The following C1orf21 variants were observed in gnomAD, a reference collection of about 807,000 sequenced individuals.
C1orf21 encodes chromosome 1 open reading frame 21, also known as uncharacterized protein C1orf21.
In C1orf21, 3 loss-of-function variants were observed where a neutral mutation model predicts 18.7. That is an observed-to-expected ratio of 0.16 (90% CI 0.07 to 0.42). The LOEUF (loss-of-function observed/expected upper bound fraction) is 0.42, where lower values mean the gene tolerates loss of function less well. C1orf21 is among the 10% of genes least tolerant of loss of function. The probability of loss-of-function intolerance (pLI) is 0.99; values close to 1 mark genes in which losing one functional copy is unlikely to be tolerated. For missense variants in C1orf21, 104 were observed against 143.6 expected (o/e 0.72, Z 1.41); for synonymous variants, 41 against 46.4 (o/e 0.88, Z 0.47).
chr1:184,588,811 G>GT (rs1006455233), intron 3 of C1orf21, among the ~76,000 whole-genome samples: 6 of 152,064 alleles, frequency 3.9e-5, no homozygotes, highest in African/African-American at 1.2e-4. Flanking sequence ...GTAGAAGAAA[G>GT]TTTTTTTGGA....
intron 1 of C1orf21, among the ~76,000 whole-genome samples, chr1:184,441,267 A>G (rs2101975120): frequency 6.6e-6 from 1 of 152,238 alleles, no homozygotes; most frequent in East Asian, 1.9e-4. Context: ...CTCTTTCTCC[A>G]TTAACTAATT....
intron 3 of C1orf21, among the ~76,000 whole-genome samples, chr1:184,548,651 T>G (rs1378493880): frequency 1.3e-5 from 2 of 152,008 alleles, no homozygotes; most frequent in African/African-American, 4.8e-5. Context: ...GAAAAAAAAA[T>G]TACATCTTTA....
chr1:184,494,886 T>TGCTA (rs1474806295), intron 2 of C1orf21, among the ~76,000 whole-genome samples: 1 of 151,782 alleles, frequency 6.6e-6, no homozygotes, highest in African/African-American at 2.4e-5. Flanking sequence ...ATTTGTTTGA[T>TGCTA]GCTAGCTGGG....
At chr1:184,435,064 G>A (rs1302265479) in intron 1 of C1orf21, among the ~76,000 whole-genome samples, 1 of 152,140 alleles carries the variant, frequency 6.6e-6, no homozygotes, top group Non-Finnish European at 1.5e-5. Flanking sequence ...GGTGGGAGCT[G>A]GTTGGATTAA....
At chr1:184,454,526 A>C (rs539406258) in intron 1 of C1orf21, among the ~76,000 whole-genome samples, 1 of 152,158 alleles carries the variant, frequency 6.6e-6, no homozygotes, top group Non-Finnish European at 1.5e-5. Flanking sequence ...GTGGTCCCTG[A>C]TGTTGGAGGT....
intron 3 of C1orf21, among the ~76,000 whole-genome samples, chr1:184,574,974 A>G (rs1659166963): frequency 6.6e-6 from 1 of 152,216 alleles, no homozygotes; most frequent in African/African-American, 2.4e-5. Flanking sequence ...GAAAGAAAGT[A>G]TGGGAGTTTT....
chr1:184,613,257 G>C (rs764405473), intron 5 of C1orf21, among the ~76,000 whole-genome samples: 1 of 152,188 alleles, frequency 6.6e-6, no homozygotes. Context: ...AGTTAGGTAC[G>C]TATGTGTAGG....
chr1:184,589,109 C>A (rs1659400664), intron 3 of C1orf21, among the ~76,000 whole-genome samples: 1 of 152,198 alleles, frequency 6.6e-6, no homozygotes, highest in Admixed American at 6.5e-5. Context: ...AATTAGAAGT[C>A]ACTTTCCTGC....
chr1:184,498,594 A>G (rs1446455306), intron 2 of C1orf21, among the ~76,000 whole-genome samples: 1 of 152,110 alleles, frequency 6.6e-6, no homozygotes, highest in Non-Finnish European at 1.5e-5. Flanking sequence ...AAAACAACTC[A>G]TGTTTTAGGT....
chr1:184,392,402 C>T (rs1370020393), intron 1 of C1orf21, among the ~76,000 whole-genome samples: 3 of 152,024 alleles, frequency 2.0e-5, no homozygotes, highest in African/African-American at 4.8e-5. Context: ...TACACATGGA[C>T]GTTTAGAGTG....
chr1:184,428,750 C>G (rs898595727), intron 1 of C1orf21, among the ~76,000 whole-genome samples: 2 of 152,146 alleles, frequency 1.3e-5, no homozygotes, highest in African/African-American at 2.4e-5. Context: ...CTGTGGCACA[C>G]TGGCCTGTGC....
intron 4 of C1orf21, among the ~76,000 whole-genome samples, chr1:184,595,636 T>G (rs1659501513): frequency 6.6e-6 from 1 of 152,086 alleles, no homozygotes; most frequent in Admixed American, 6.5e-5. Flanking sequence ...AACAGCAGAG[T>G]AGGCCTCATG....
At chr1:184,409,089 T>C (rs552356522) in intron 1 of C1orf21, among the ~76,000 whole-genome samples, 2 of 152,312 alleles carry the variant, frequency 1.3e-5, no homozygotes, top group South Asian at 4.1e-4. Context: ...TCAGCACTTT[T>C]TTGTTCTTTC....
intron 1 of C1orf21, among the ~76,000 whole-genome samples, chr1:184,415,620 G>A (rs1656437730): frequency 6.6e-6 from 1 of 152,058 alleles, no homozygotes; most frequent in Admixed American, 6.5e-5. Context: ...AAATGAAACA[G>A]AAGAGAAAGG....
intron 3 of C1orf21, among the ~76,000 whole-genome samples, chr1:184,580,737 T>G (rs1206116753): frequency 1.3e-5 from 2 of 152,256 alleles, no homozygotes; most frequent in African/African-American, 2.4e-5. Flanking sequence ...TTTAGTAAAA[T>G]TCATATTGCT....
At chr1:184,399,432 G>C (rs1218475274) in intron 1 of C1orf21, among the ~76,000 whole-genome samples, 1 of 147,644 alleles carries the variant, frequency 6.8e-6, no homozygotes, top group Non-Finnish European at 1.5e-5. Flanking sequence ...CTGTGATCTC[G>C]GCTCACTGCA....
At chr1:184,442,070 C>T (rs1656957623) in intron 1 of C1orf21, among the ~76,000 whole-genome samples, 1 of 152,138 alleles carries the variant, frequency 6.6e-6, no homozygotes, top group Non-Finnish European at 1.5e-5. Context: ...TTCCTCTATG[C>T]TTGGATGAGC....
At chr1:184,481,610 TGTGTA>T (rs1657657445) in intron 2 of C1orf21, among the ~76,000 whole-genome samples, 2 of 152,208 alleles carry the variant, frequency 1.3e-5, no homozygotes, top group South Asian at 4.1e-4. Flanking sequence ...TCTGTGCCTC[TGTGTA>T]GTTCATGCCA....
rs530827226 is a variant in C1orf21, at chr1:184,387,913, T to C, written c.-125+545T>C. Reference sequence around the variant, plus strand: ...CCCGGGATTTCTGAAGTTTTGACCTTTTTGGGGTGGCTCGTTTCGTTGCAT... The same window carrying C: ...CCCGGGATTTCTGAAGTTTTGACCTCTTTGGGGTGGCTCGTTTCGTTGCAT... On this transcript the variant is annotated intron_variant, in intron 1 of 5. Transcript: ENST00000235307. The surrounding 1 kb of genome is among the most constrained non-coding windows in gnomAD (Gnocchi z 5.6). 5.0e-4 allele frequency among the ~76,000 whole-genome samples: 76 copies of C among 152,142 alleles called. No homozygotes were observed. Among genetic ancestry groups the C allele is most frequent in the Non-Finnish European group, 9.1e-4 (62 of 68,014 alleles).
Sources: gnomAD v4.1 joint callset for allele counts (sites outside exome capture counted in the v4.1 genomes callset) on GRCh38, gnomAD v4.1.1 for gene constraint, Gnocchi (gnomAD v3.1) non-coding constraint, MANE v1.5 for transcripts, NCBI Gene and HGNC (gene_info 2026-07-23, HGNC 2026-07-21) for gene names.